CFAP20DC: variants seen among roughly 807,000 people sequenced by gnomAD.
CFAP20DC encodes the protein protein CFAP20DC.
Under a neutral mutation model 101.7 loss-of-function variants are expected in CFAP20DC, and 84 were observed. The ratio of observed to expected loss-of-function variants is 0.83; its 90% confidence interval spans 0.69 to 0.99. The LOEUF (loss-of-function observed/expected upper bound fraction) is 0.99, where lower values mean the gene tolerates loss of function less well. CFAP20DC is among the 50% of genes least tolerant of loss of function. CFAP20DC has a pLI of 0.00. For missense variants in CFAP20DC, 1,007 were observed against 970.3 expected, an observed-to-expected ratio of 1.04 and a Z score of -0.50; for synonymous variants, 359 against 351.2, an observed-to-expected ratio of 1.02 and a Z score of -0.25.
Position 59,007,825 on chromosome 3 carries a change from C to G in CFAP20DC, c.278+31732G>C, listed in dbSNP as rs941819794. The stretch of plus-strand genomic sequence containing the variant: ...TCCCTAGGGGAAGTGGGAGAGCACC[C>G]TATCAAGGAAAAACCCTGTGGGACA... On this transcript the variant is annotated intron_variant, in intron 4 of 16. Transcript: ENST00000482387. The surrounding 1 kb of genome is among the most constrained non-coding windows in gnomAD (Gnocchi z 4.4). Among the ~76,000 whole-genome samples, 1 of 152,154 alleles carries G rather than the reference C, an allele frequency of 6.6e-6. No individual in the cohort carries two copies. The highest frequency in any genetic ancestry group is 2.4e-5 in the African/African-American group (1 of 41,434).
chr3:58,907,121 A>G (rs544476952), intron 6 of CFAP20DC, among the ~76,000 whole-genome samples: 7 of 150,540 alleles, frequency 4.6e-5, no homozygotes, highest in African/African-American at 1.5e-4. Flanking sequence ...GTGTGTATGT[A>G]TGTGTGTGTG....
chr3:58,790,595 A>C (rs2072766342), intron 15 of CFAP20DC, among the ~76,000 whole-genome samples: 1 of 152,204 alleles, frequency 6.6e-6, no homozygotes, highest in African/African-American at 2.4e-5. Context: ...AGGCTATAGC[A>C]ATAGTCCAGG....
At chr3:58,916,923 T>A (rs1384318883) in intron 5 of CFAP20DC, among the ~76,000 whole-genome samples, 1 of 152,160 alleles carries the variant, frequency 6.6e-6, no homozygotes, top group Non-Finnish European at 1.5e-5. Flanking sequence ...TTATAAAATA[T>A]TATTTTCAAT....
intron 4 of CFAP20DC, among the ~76,000 whole-genome samples, chr3:58,982,777 C>T (rs1383466101): frequency 2.6e-5 from 4 of 151,182 alleles, no homozygotes; most frequent in Admixed American, 2.6e-4. Context: ...TTAATGGGTG[C>T]AGCACACCAA....
chr3:58,973,982 G>A (rs2092114026), intron 4 of CFAP20DC, among the ~76,000 whole-genome samples: 1 of 152,150 alleles, frequency 6.6e-6, no homozygotes, highest in South Asian at 2.1e-4. Context: ...GAAATCAAAA[G>A]CCTGAGGTCA....
intron 14 of CFAP20DC, among the ~76,000 whole-genome samples, chr3:58,817,749 A>G (rs2075305363): frequency 6.6e-6 from 1 of 151,998 alleles, no homozygotes; most frequent in Admixed American, 6.6e-5. Context: ...TCCCCAATCT[A>G]GAAAGGCAGG....
intron 4 of CFAP20DC, among the ~76,000 whole-genome samples, chr3:58,963,522 C>A (rs1427501922): frequency 6.6e-6 from 1 of 151,938 alleles, no homozygotes; most frequent in African/African-American, 2.4e-5. Context: ...GGCCCTACTA[C>A]CCTTGGGAAA....
rs1364650101 is a variant in CFAP20DC, at chr3:58,795,428, C to T, written c.2237+10967G>A. 6.6e-6 allele frequency among the ~76,000 whole-genome samples: 1 copy of T among 152,128 alleles called. No homozygotes were observed. The highest frequency in any genetic ancestry group is 1.5e-5 in the Non-Finnish European group (1 of 68,022). Reference sequence around the variant, plus strand: ...AAGGTGGAGGGACGGTTGCTTGAGCCCAGGAGTACGAGACCAGCTTGGGCA... The same window carrying T: ...AAGGTGGAGGGACGGTTGCTTGAGCTCAGGAGTACGAGACCAGCTTGGGCA... On this transcript the variant is annotated intron_variant, in intron 15 of 16. Transcript: ENST00000482387. The surrounding 1 kb of genome is among the most constrained non-coding windows in gnomAD (Gnocchi z 4.2).
At position 58,753,964 on chromosome 3, in the gene CFAP20DC, C is replaced by T. The variant is rs540992749; in HGVS notation, c.2238-101G>A. 4.9e-4 allele frequency: 340 copies of T among 699,776 alleles called. 1 individual carries two copies. Among genetic ancestry groups the T allele is most frequent in the Non-Finnish European group, 7.0e-4 (290 of 416,690 alleles). 43.3% of individuals were successfully genotyped at this position (699,776 alleles called of 1,614,324 possible). A position where few individuals can be genotyped will look rare whatever the true frequency, so the allele number is the denominator to read the frequency against. On this transcript the variant is annotated intron_variant, in intron 15 of 16. Coordinates refer to ENST00000482387, the MANE Select transcript of CFAP20DC (RefSeq NM_001394063.1). ...TCCTTGGGGCTTCCAAAAAGAAACA[C>T]TTTTTTTCCTCCTTCATATTTCAGA...
At position 58,905,050 on chromosome 3, in the gene CFAP20DC, G is replaced by A. The variant is rs146472965; in HGVS notation, c.550+8658C>T. Among the ~76,000 whole-genome samples the A allele has an allele frequency of 5.1e-4, 77 of 152,156 alleles. 1 individual carries two copies. The highest frequency in any genetic ancestry group is 1.8e-3 in the African/African-American group (76 of 41,508). ...AAAATACAGGGTCTATGCCTTCCAGGGCCTCTTAGTCTGAAATCATACCTT... is the reference window on the plus strand; with the variant it reads ...AAAATACAGGGTCTATGCCTTCCAGAGCCTCTTAGTCTGAAATCATACCTT... On this transcript the variant is annotated intron_variant, in intron 6 of 16. Coordinates refer to ENST00000482387, the MANE Select transcript of CFAP20DC (RefSeq NM_001394063.1).
intron 6 of CFAP20DC, among the ~76,000 whole-genome samples, chr3:58,907,648 T>C (rs1333407084): frequency 6.6e-6 from 1 of 152,178 alleles, no homozygotes; most frequent in East Asian, 1.9e-4. Flanking sequence ...GTGGGAACAT[T>C]ACTCCATGTC....
chr3:58,964,906 T>C lies in CFAP20DC; in HGVS notation c.279-27144A>G, dbSNP rs923350264. ...ACAGTCTAACACAATAGTGGACACT[T>C]GAAACCACTACTGAAATATTTTCTA... On this transcript the variant is annotated intron_variant, in intron 4 of 16. Transcript: ENST00000482387. This position sits in a 1 kb window ranked among gnomAD's most constrained non-coding sequence, Gnocchi z 4.1. 7.2e-5 allele frequency among the ~76,000 whole-genome samples: 11 copies of C among 152,184 alleles called. No homozygotes were observed. The highest frequency in any genetic ancestry group is 1.2e-4 in the Non-Finnish European group (8 of 68,028).
At chr3:58,841,436 A>AT in intron 13 of CFAP20DC, among the ~76,000 whole-genome samples, 1 of 152,298 alleles carries the variant, frequency 6.6e-6, no homozygotes, top group Middle Eastern at 3.4e-3. Context: ...TTACAAATTC[A>AT]TTTTTTCTCT....
At chr3:58,926,671 G>A (rs373242752) in intron 5 of CFAP20DC, among the ~76,000 whole-genome samples, 1 of 152,120 alleles carries the variant, frequency 6.6e-6, no homozygotes, top group Admixed American at 6.5e-5. Context: ...ATGAGGGGAA[G>A]TTTTAAAAAC....
At chr3:58,944,833 G>C (rs549739969) in intron 4 of CFAP20DC, among the ~76,000 whole-genome samples, 6 of 152,056 alleles carry the variant, frequency 3.9e-5, no homozygotes, top group Non-Finnish European at 8.8e-5. Flanking sequence ...CCTTCCAGAA[G>C]GATGATCTCC....
At chr3:58,793,467 T>C (rs1209839273) in intron 15 of CFAP20DC, among the ~76,000 whole-genome samples, 1 of 152,182 alleles carries the variant, frequency 6.6e-6, no homozygotes, top group East Asian at 1.9e-4. Flanking sequence ...GGACTTTTAA[T>C]GTGAATTAGT....
rs1472464458 is a variant in CFAP20DC at position 58,869,951 on chromosome 3, T to C, written c.852+222A>G. ...ATTTAATGAAAAGAATACTCGAAAA[T>C]GTTAATTATGTTGATATGACAAAAA... On this transcript the variant is annotated intron_variant, in intron 8 of 16. Coordinates refer to ENST00000482387, the MANE Select transcript of CFAP20DC (RefSeq NM_001394063.1). This position sits in a 1 kb window ranked among gnomAD's most constrained non-coding sequence, Gnocchi z 4.3. 1.3e-5 allele frequency among the ~76,000 whole-genome samples: 2 copies of C among 152,220 alleles called. No homozygotes were observed. The highest frequency in any genetic ancestry group is 2.4e-5 in the African/African-American group (1 of 41,456).
chr3:58,780,752 T>C lies in CFAP20DC; in HGVS notation c.2237+25643A>G, dbSNP rs149106581. Among the ~76,000 whole-genome samples the C allele has an allele frequency of 3.0e-3, 458 of 152,096 alleles. 3 individuals are homozygous for C. The highest frequency in any genetic ancestry group is 0.01 in the Middle Eastern group (3 of 294). On this transcript the variant is annotated intron_variant, in intron 15 of 16. Transcript: ENST00000482387. ...GAAGATATAACTATCTAAATATATATGCAGCCAACATCTGAACACCTAGAT... is the reference window on the plus strand; with the variant it reads ...GAAGATATAACTATCTAAATATATACGCAGCCAACATCTGAACACCTAGAT...
At chr3:58,979,817 C>CT (rs566433334) in intron 4 of CFAP20DC, among the ~76,000 whole-genome samples, 5,727 of 142,006 alleles carry the variant, frequency 0.04, 229 homozygotes, top group African/African-American at 0.11. Context: ...GTTTCTTTTT[C>CT]TTTTTTTTTT....
Sources: allele counts gnomAD v4.1 joint callset (sites outside exome capture counted in the v4.1 genomes callset), GRCh38; gene constraint gnomAD v4.1.1; non-coding constraint Gnocchi (gnomAD v3.1); transcripts MANE v1.5; gene names NCBI Gene and HGNC (gene_info 2026-07-23, HGNC 2026-07-21).